Variants in CUBN observed in about 807,000 individuals in gnomAD.
CUBN encodes 460 kDa receptor.
CUBN carries 282 observed loss-of-function variants against 405.3 expected under a neutral mutation model. The observed-to-expected ratio is 0.70, with a 90% CI of 0.63 to 0.77. The LOEUF is 0.77. CUBN is among the 30% of genes least tolerant of loss of function. The pLI, the probability that CUBN is intolerant of heterozygous loss-of-function variation, is 0.00. For synonymous variants in CUBN, 1,684 were observed against 1,617.0 expected (o/e 1.04, Z -0.99); for missense variants, 4,514 against 4,475.2 (o/e 1.01, Z -0.25).
At chr10:16,939,532 A>G (rs1842600454) in intron 37 of CUBN, among the ~76,000 whole-genome samples, 1 of 152,270 alleles carries the variant, frequency 6.6e-6, no homozygotes, top group South Asian at 2.1e-4. Flanking sequence ...GTTTGAAATT[A>G]CATATGAAAT....
chr10:17,009,765 GA>G (rs1834129714), intron 28 of CUBN, among the ~76,000 whole-genome samples: 1 of 152,156 alleles, frequency 6.6e-6, no homozygotes, highest in African/African-American at 2.4e-5. Flanking sequence ...GTGCATCTAG[GA>G]CTGAGAACAC....
At chr10:16,997,430 T>C (rs1248647299) in intron 28 of CUBN, among the ~76,000 whole-genome samples, 2 of 104,130 alleles carry the variant, frequency 1.9e-5, no homozygotes, top group East Asian at 4.0e-4. Context: ...TGAGACTCCA[T>C]CTAAAAAAAA....
chr10:17,105,818 G>T (rs1420153441), intron 10 of CUBN, among the ~76,000 whole-genome samples: 1 of 152,116 alleles, frequency 6.6e-6, no homozygotes, highest in African/African-American at 2.4e-5. Flanking sequence ...GGTTGACATG[G>T]GTGCTGTCAG....
chr10:17,017,703 T>C (rs1475187354), intron 28 of CUBN, among the ~76,000 whole-genome samples: 1 of 152,208 alleles, frequency 6.6e-6, no homozygotes, highest in Non-Finnish European at 1.5e-5. Context: ...GCAAAGATTA[T>C]GTCTTTCTGA....
intron 59 of CUBN, among the ~76,000 whole-genome samples, chr10:16,860,557 T>C (rs1186711207): frequency 6.6e-6 from 1 of 152,234 alleles, no homozygotes; most frequent in African/African-American, 2.4e-5. Flanking sequence ...TACTGATCAC[T>C]AGCTGGATAT....
chr10:17,101,017 T>C (rs1027483586), intron 13 of CUBN, among the ~76,000 whole-genome samples: 5 of 152,062 alleles, frequency 3.3e-5, no homozygotes, highest in Non-Finnish European at 7.4e-5. Flanking sequence ...AGATAAACAA[T>C]CAAAAGAAGG....
chr10:16,862,156 T>TCACA (rs1377846836), intron 59 of CUBN, among the ~76,000 whole-genome samples: 83 of 92,788 alleles, frequency 8.9e-4, no homozygotes, highest in African/African-American at 5.4e-3. Context: ...TCTCTCTCTC[T>TCACA]CTCTCACACA....
At position 16,988,586 on chromosome 10, in the gene CUBN, T is replaced by C. The variant is rs79097862; in HGVS notation, c.4350+1748A>G. 6.3e-3 allele frequency among the ~76,000 whole-genome samples: 966 copies of C among 152,254 alleles called. 11 individuals are homozygous for C. The highest frequency in any genetic ancestry group is 0.022 in the African/African-American group (901 of 41,548). On this transcript the variant is annotated intron_variant, in intron 29 of 66. Transcript: ENST00000377833. The stretch of plus-strand genomic sequence containing the variant: ...GTGACTCTCACTGAGAAGGATGACT[T>C]TACTAAATTACTAAAAGTGATGAAT...
chr10:17,093,298 A>AG (rs1416111653), intron 14 of CUBN, among the ~76,000 whole-genome samples: 2 of 152,146 alleles, frequency 1.3e-5, no homozygotes, highest in African/African-American at 2.4e-5. Context: ...ACAGTTTCGG[A>AG]GGGGAGGGAA....
At position 16,918,114 on chromosome 10, in the gene CUBN, G is replaced by A. The variant is rs532198720; in HGVS notation, c.7000+508C>T. ...ATCAGATGCCTGTAGGTGTGAGACC[G>A]TATTTCTGAGCTCTCTACTCCATTC... On this transcript the variant is annotated intron_variant, in intron 45 of 66. Coordinates refer to ENST00000377833, the MANE Select transcript of CUBN (RefSeq NM_001081.4). 1.9e-3 allele frequency among the ~76,000 whole-genome samples: 286 copies of A among 152,114 alleles called. 1 individual carries two copies. The highest frequency in any genetic ancestry group is 6.4e-3 in the African/African-American group (265 of 41,504).
At chr10:16,869,909 T>C (rs1840301593) in intron 58 of CUBN, 56 bp from the exon 59 acceptor site, 9 of 1,296,552 alleles carry the variant, frequency 6.9e-6, no homozygotes, top group Non-Finnish European at 8.9e-6. Flanking sequence ...TATTAAATTG[T>C]AGCTTTAGCT....
chr10:17,068,768 A>C lies in CUBN; in HGVS notation c.2628T>G (p.Ile876Met), dbSNP rs1167448165. The C allele has an allele frequency of 1.2e-6, 2 of 1,608,602 alleles. No homozygotes were observed. Among genetic ancestry groups the C allele is most frequent in the African/African-American group, 2.7e-5 (2 of 74,804 alleles). Residue 876 changes from isoleucine to methionine, a missense_variant and splice_region_variant, in exon 20 of 67, where the codon ATT becomes ATG. By Grantham distance (10) the Ile-to-Met change is conservative. This residue lies in a region of CUBN where 1,448 missense variants were observed against 1,388.0 expected (regional missense o/e 1.04). Coordinates refer to ENST00000377833, the MANE Select transcript of CUBN (RefSeq NM_001081.4). Reference protein sequence around the residue: ...SAHCETDYVEIGSSSILGSPE... With the variant: ...SAHCETDYVEMGSSSILGSPE... Reference sequence around the variant, plus strand: ...GAGAACCCAAAATGGAACTGCTACCAATCTAAAATTAGAGAAGATATGTTC... The same window carrying C: ...GAGAACCCAAAATGGAACTGCTACCCATCTAAAATTAGAGAAGATATGTTC...
chr10:16,975,211 T>G (rs955365041), intron 31 of CUBN, among the ~76,000 whole-genome samples: 1 of 152,226 alleles, frequency 6.6e-6, no homozygotes, highest in African/African-American at 2.4e-5. Flanking sequence ...CCCAAACTCC[T>G]CCCAGCACTT....
At chr10:16,939,631 C>T (rs1842602456) in intron 37 of CUBN, among the ~76,000 whole-genome samples, 1 of 152,180 alleles carries the variant, frequency 6.6e-6, no homozygotes, top group East Asian at 1.9e-4. Context: ...TATATGTGAG[C>T]ACTTAAGCCA....
intron 27 of CUBN, among the ~76,000 whole-genome samples, chr10:17,026,428 T>C (rs1406674916): frequency 1.3e-5 from 2 of 151,910 alleles, no homozygotes; most frequent in African/African-American, 2.4e-5. Flanking sequence ...GGCCAGGAGT[T>C]CAAGACCAGC....
intron 26 of CUBN, 30 bp from the exon 27 acceptor site, chr10:17,041,250 C>G: frequency 1.3e-6 from 2 of 1,556,544 alleles, no homozygotes; most frequent in Non-Finnish European, 1.8e-6. Context: ...TTAAGAACCA[C>G]TATTATATAC....
At chr10:16,863,722 G>A (rs1480279333) in intron 59 of CUBN, among the ~76,000 whole-genome samples, 1 of 151,796 alleles carries the variant, frequency 6.6e-6, no homozygotes, top group African/African-American at 2.4e-5. Context: ...TTTTCCATTT[G>A]TTGTGACCAT....
intron 64 of CUBN, among the ~76,000 whole-genome samples, chr10:16,833,948 C>G (rs1194374111): frequency 6.6e-6 from 1 of 152,124 alleles, no homozygotes; most frequent in Non-Finnish European, 1.5e-5. Flanking sequence ...TTTTTGGAAA[C>G]TTTACTGAAG....
intron 54 of CUBN, among the ~76,000 whole-genome samples, chr10:16,894,853 T>C (rs35411338): frequency 0.073 from 11,149 of 152,248 alleles, 934 homozygotes; most frequent in East Asian, 0.33. Context: ...TCATTTAGGT[T>C]TATGCCAGCA....
Sources: gnomAD v4.1 joint callset for allele counts (sites outside exome capture counted in the v4.1 genomes callset) on GRCh38, gnomAD v4.1.1 for gene constraint, gnomAD v4.1.1 regional missense constraint, MANE v1.5 for transcripts, NCBI Gene and HGNC (gene_info 2026-07-23, HGNC 2026-07-21) for gene names.